Variants in CSF1R observed in about 807,000 individuals in gnomAD.
CSF1R encodes colony stimulating factor 1 receptor, also known as macrophage colony-stimulating factor 1 receptor.
A neutral mutation model predicts 110.0 loss-of-function variants in CSF1R; 40 were observed. The ratio of observed to expected loss-of-function variants is 0.36; its 90% CI spans 0.28 to 0.47. The LOEUF is 0.47. CSF1R is among the 20% of genes least tolerant of loss of function. The probability of loss-of-function intolerance (pLI) is 0.99; values close to 1 mark genes in which losing one functional copy is unlikely to be tolerated. For missense variants in CSF1R, 1,052 were observed against 1,253.0 expected (o/e 0.84, Z 2.42); for synonymous variants, 523 against 503.4 (o/e 1.04, Z -0.52).
intron 1 of CSF1R, among the ~76,000 whole-genome samples, chr5:150,093,811 C>T (rs1173907294): frequency 6.6e-6 from 1 of 152,162 alleles, no homozygotes; most frequent in Non-Finnish European, 1.5e-5. Context: ...CGCCTGTAAT[C>T]CCAGCACTTT....
At chr5:150,111,032 T>C (rs988686851) in intron 1 of CSF1R, among the ~76,000 whole-genome samples, 9 of 152,084 alleles carry the variant, frequency 5.9e-5, no homozygotes, top group Non-Finnish European at 1.2e-4. Flanking sequence ...TTGCACAAAT[T>C]AGAAACAAAA....
upstream of CSF1R, among the ~76,000 whole-genome samples, chr5:150,091,200 G>T (rs1440967456): frequency 6.6e-6 from 1 of 152,190 alleles, no homozygotes; most frequent in African/African-American, 2.4e-5. Flanking sequence ...ATGAAAAATG[G>T]TGCAGCTGCT....
At chr5:150,079,840 G>A (rs1758442188) in intron 3 of CSF1R, among the ~76,000 whole-genome samples, 1 of 152,212 alleles carries the variant, frequency 6.6e-6, no homozygotes, top group Admixed American at 6.5e-5. Context: ...TGCCCACTGA[G>A]TTATTTGCTC....
At chr5:150,062,825 A>T (rs1190366297) in intron 10 of CSF1R, among the ~76,000 whole-genome samples, 2 of 152,204 alleles carry the variant, frequency 1.3e-5, no homozygotes, top group Non-Finnish European at 2.9e-5. Context: ...GAAGGCCCCT[A>T]AAGAGCCCAC....
rs1206998973 is a variant in CSF1R at position 150,077,393 on chromosome 5, GGT to G, written c.770_771del (p.Tyr257SerfsTer49). 3 of 1,614,082 alleles carry G rather than the reference GGT, an allele frequency of 1.9e-6. No individual in the cohort carries two copies. The highest frequency in any genetic ancestry group is 2.5e-6 in the Non-Finnish European group (3 of 1,179,968). ...TCGAGGTTGAGGGTCAGGACTTTTT[GGT>G]AACGGTTATTATGAAAGTCAGATTG... ...PQQSDFHNNRYQKVLTLNLDQ... is the reference protein window; with the variant it reads ...PQQSDFHNNRXQKVLTLNLDQ... On this transcript the variant is annotated frameshift_variant, in exon 5 of 21. Transcript: ENST00000675795. LOFTEE classifies it high-confidence loss of function.
intron 6 of CSF1R, among the ~76,000 whole-genome samples, chr5:150,071,414 A>G (rs932790423): frequency 1.3e-5 from 2 of 152,208 alleles, no homozygotes; most frequent in African/African-American, 4.8e-5. Flanking sequence ...ATTATAGCAA[A>G]TGGCCAGTTC....
chr5:150,057,743 G>C, intron 14 of CSF1R, 151 bp from the exon 15 acceptor site: 1 of 635,538 alleles, frequency 1.6e-6, no homozygotes, highest in South Asian at 1.9e-5. Context: ...GTGAGCATTG[G>C]TCTCTGCTCG....
chr5:150,110,414 G>A (rs12153782), intron 1 of CSF1R, among the ~76,000 whole-genome samples: 1,721 of 152,294 alleles, frequency 0.011, 18 homozygotes, highest in Non-Finnish European at 0.018. Context: ...ATTTATGTTC[G>A]AGTGCTATTT....
intron 1 of CSF1R, among the ~76,000 whole-genome samples, chr5:150,103,536 C>T (rs1759463972): frequency 6.6e-6 from 1 of 152,230 alleles, no homozygotes; most frequent in Non-Finnish European, 1.5e-5. Flanking sequence ...CATGCAAGGT[C>T]ATCAATGTGA....
At chr5:150,073,724 T>TC (rs1283951458) in intron 5 of CSF1R, among the ~76,000 whole-genome samples, 1 of 152,138 alleles carries the variant, frequency 6.6e-6, no homozygotes, top group Non-Finnish European at 1.5e-5. Flanking sequence ...CAAATCCCTA[T>TC]CCCCATTTGT....
chr5:150,094,703 G>C lies in CSF1R; in HGVS notation c.-180-8096C>G, dbSNP rs576488008. On this transcript the variant is annotated intron_variant, in intron 1 of 21. Transcript: ENST00000286301. ...ACAAGGCTTCGATTAACATGCTGAG[G>C]ATTGTAGAGCCATATATTGCATGGG... 3.1e-5 allele frequency: 49 copies of C among 1,602,468 alleles called. No individual in the cohort carries two copies. The East Asian group carries it at 1.0e-3, about 34-fold the overall frequency.
At chr5:150,060,003 C>T in intron 13 of CSF1R, 141 bp from the exon 14 acceptor site, 1 of 941,466 alleles carries the variant, frequency 1.1e-6, no homozygotes, top group Non-Finnish European at 1.5e-6. Context: ...GAGCAAGTTT[C>T]CTTGTGCCTC....
In CSF1R at chr5:150,073,477, G is replaced by A. The variant is rs1417777370; in HGVS notation, c.906C>T (p.Asn302=). Residue 302 remains asparagine (N), a synonymous_variant, in exon 6 of 21, where the codon AAC becomes AAT. Coordinates refer to ENST00000675795, the MANE Select transcript of CSF1R (RefSeq NM_001288705.3). ...GGATGAGGTTCTGCTCAGAGCTCAA[G>A]TTCAAGTAGGCACTCTCTGGAAAGC... ...FFRVVESAYL[N]LSSEQNLIQE... 16 of 1,613,604 alleles carry A rather than the reference G, an allele frequency of 9.9e-6. No homozygotes were observed. Among genetic ancestry groups the A allele is most frequent in the Non-Finnish European group, 1.4e-5 (16 of 1,179,710 alleles).
chr5:150,055,960 G>A, intron 18 of CSF1R, 66 bp downstream of exon 18: 1 of 1,448,106 alleles, frequency 6.9e-7, no homozygotes, highest in Non-Finnish European at 9.6e-7. Context: ...AAACAGCTTT[G>A]TCCACCAGTG....
At chr5:150,078,565 T>C (rs2569076) in intron 3 of CSF1R, among the ~76,000 whole-genome samples, 123,664 of 152,198 alleles carry the variant, frequency 0.81, 50,624 homozygotes, top group African/African-American at 0.92. Context: ...GATTCTTCAC[T>C]AAAGTGACCT....
At chr5:150,073,866 C>G (rs1034636505) in intron 5 of CSF1R, among the ~76,000 whole-genome samples, 1 of 152,194 alleles carries the variant, frequency 6.6e-6, no homozygotes, top group Non-Finnish European at 1.5e-5. Context: ...TCATCCATTT[C>G]CCTTTCTTCT....
At position 150,055,256 on chromosome 5, in the gene CSF1R, C is replaced by T. The variant is rs932394822; in HGVS notation, c.2635G>A (p.Ala879Thr). ...GCTTACATATTCTTTGGGGCAAATG[C>T]AGGCTGGGCCATTTGGTATCCATCC... Reference protein sequence around the residue: ...VKDGYQMAQPAFAPKNIYSIM... With the variant: ...VKDGYQMAQPTFAPKNIYSIM... Residue 879 changes from alanine (A) to threonine (T), a missense_variant, in exon 19 of 21, where the codon GCA becomes ACA. Transcript: ENST00000675795. The T allele has an allele frequency of 1.9e-6, 3 of 1,614,040 alleles. No homozygotes were observed. Among genetic ancestry groups the T allele is most frequent in the African/African-American group, 1.3e-5 (1 of 74,914 alleles).
chr5:150,076,713 A>C (rs564293248), intron 5 of CSF1R, among the ~76,000 whole-genome samples: 1 of 152,242 alleles, frequency 6.6e-6, no homozygotes, highest in African/African-American at 2.4e-5. Context: ...AAGTTCTTTC[A>C]GTGTTCCAAA....
chr5:150,070,769 T>G (rs1005651341), intron 6 of CSF1R, among the ~76,000 whole-genome samples, 198 bp from the exon 7 acceptor site: 15 of 152,212 alleles, frequency 9.9e-5, no homozygotes, highest in African/African-American at 3.1e-4. Flanking sequence ...TTTCCTTAGT[T>G]GGTTTTCTTA....
Sources: gnomAD v4.1 joint callset for allele counts (sites outside exome capture counted in the v4.1 genomes callset) on GRCh38, gnomAD v4.1.1 for gene constraint, MANE v1.5 for transcripts, NCBI Gene and HGNC (gene_info 2026-07-23, HGNC 2026-07-21) for gene names.